Variants in MTR observed in about 807,000 individuals in gnomAD.
The protein encoded by MTR is 5-methyltetrahydrofolate-homocysteine methyltransferase.
In MTR, 84 loss-of-function variants were observed where a neutral mutation model predicts 154.8. The observed-to-expected ratio is 0.54, with a 90% CI of 0.45 to 0.65. The LOEUF is 0.65. MTR is among the 30% of genes least tolerant of loss of function. The probability of loss-of-function intolerance (pLI) is 0.00; values close to 1 mark genes in which losing one functional copy is unlikely to be tolerated. For synonymous variants in MTR, 554 were observed against 553.9 expected, an observed-to-expected ratio of 1.00 and a Z score of 0.00; for missense variants, 1,275 against 1,570.2, an observed-to-expected ratio of 0.81 and a Z score of 3.18.
intron 4 of MTR, 95 bp from the exon 5 acceptor site, chr1:236,810,408 C>A: frequency 1.0e-6 from 1 of 1,002,826 alleles, no homozygotes. Flanking sequence ...AGATTATAGA[C>A]CTGTGTTCCA....
At chr1:236,882,946 A>G (rs1345145895) in intron 25 of MTR, among the ~76,000 whole-genome samples, 1 of 152,260 alleles carries the variant, frequency 6.6e-6, no homozygotes, top group Non-Finnish European at 1.5e-5. Context: ...TTGTGGGCTC[A>G]TTGGCTCAGG....
intron 13 of MTR, among the ~76,000 whole-genome samples, chr1:236,832,327 G>A (rs1277832075): frequency 1.3e-5 from 2 of 152,152 alleles, no homozygotes; most frequent in Admixed American, 6.5e-5. Context: ...AGATGGGAGG[G>A]ATCCAGGTTC....
chr1:236,808,510 G>A (rs2103032014), intron 3 of MTR, among the ~76,000 whole-genome samples, 194 bp from the exon 4 acceptor site: 1 of 152,198 alleles, frequency 6.6e-6, no homozygotes, highest in East Asian at 1.9e-4. Flanking sequence ...AGTTCCCAAG[G>A]ACTCTTGTCT....
chr1:236,861,499 A>T (rs561198283), intron 20 of MTR, among the ~76,000 whole-genome samples: 26 of 152,248 alleles, frequency 1.7e-4, no homozygotes, highest in African/African-American at 4.8e-4. Context: ...ATCATAATCT[A>T]TCATAATCCT....
chr1:236,801,659 A>G (rs1660705084), intron 1 of MTR, among the ~76,000 whole-genome samples: 1 of 152,220 alleles, frequency 6.6e-6, no homozygotes, highest in Non-Finnish European at 1.5e-5. Context: ...TAGTGTTGCT[A>G]GGCATGAGTT....
intron 13 of MTR, among the ~76,000 whole-genome samples, chr1:236,833,953 TG>T (rs780018844): frequency 6.6e-6 from 1 of 152,212 alleles, no homozygotes; most frequent in Non-Finnish European, 1.5e-5. Flanking sequence ...TTCTCCATTT[TG>T]GTTTGTAGAG....
rs1251309348 is a variant in MTR, at chr1:236,901,613, C to T, written c.*3969C>T. On this transcript the variant is annotated 3_prime_UTR_variant, in exon 33 of 33. Transcript: ENST00000366577. ...GAACAGATGTTTATTTCTTACAGTTCAGGAGTCTGGAAGTCCAAGATCATG... is the reference window on the plus strand; with the variant it reads ...GAACAGATGTTTATTTCTTACAGTTTAGGAGTCTGGAAGTCCAAGATCATG... The T allele has an allele frequency of 6.6e-6, 1 of 152,178 alleles. No individual in the cohort carries two copies. The highest frequency in any genetic ancestry group is 1.5e-5 in the Non-Finnish European group (1 of 68,064). 9.4% of individuals were successfully genotyped at this position (152,178 alleles called of 1,614,324 possible). A position where few individuals can be genotyped will look rare whatever the true frequency, so the allele number is the denominator to read the frequency against.
chr1:236,862,693 G>A (rs912153536), intron 21 of MTR, among the ~76,000 whole-genome samples: 3 of 152,120 alleles, frequency 2.0e-5, no homozygotes, highest in African/African-American at 4.8e-5. Flanking sequence ...GTCTGTCCCC[G>A]CCCTTGAGGT....
rs185670305 is a variant in MTR, at chr1:236,815,060, G to A, written c.610-544G>A. On this transcript the variant is annotated intron_variant, in intron 6 of 32. Transcript: ENST00000366577. Reference sequence around the variant, plus strand: ...AACAGCACAGAATGACATAGGATTTGTACCTTTACTACCTAATCTAAGCTC... The same window carrying A: ...AACAGCACAGAATGACATAGGATTTATACCTTTACTACCTAATCTAAGCTC... 5.6e-4 allele frequency among the ~76,000 whole-genome samples: 85 copies of A among 152,336 alleles called. 1 individual carries two copies. In the Middle Eastern group the frequency reaches 0.017, roughly 30 times the overall value.
chr1:236,810,155 T>C (rs1661214701), intron 4 of MTR, among the ~76,000 whole-genome samples: 1 of 152,190 alleles, frequency 6.6e-6, no homozygotes, highest in Non-Finnish European at 1.5e-5. Flanking sequence ...TGTGTGAGAA[T>C]TGAGAGTTGT....
intron 21 of MTR, 138 bp downstream of exon 21, chr1:236,862,481 C>G: frequency 2.9e-6 from 2 of 699,554 alleles, no homozygotes; most frequent in Non-Finnish European, 5.1e-6. Flanking sequence ...CACATCTCTC[C>G]CTTTTTTAAC....
At chr1:236,877,065 C>T (rs1665474561) in intron 24 of MTR, among the ~76,000 whole-genome samples, 1 of 152,210 alleles carries the variant, frequency 6.6e-6, no homozygotes, top group South Asian at 2.1e-4. Context: ...GTAGGTAGCA[C>T]TGCTTCCCGG....
chr1:236,861,097 C>CTTTTTTTTTTTTTTT lies in MTR; in HGVS notation c.2044-26_2044-12dup, dbSNP rs397974349. ...ATTTTTTTTTTCTTTCTTTCTTTTTCTTTTTTTTTTTTTTTTGTCTTTTTT... is the reference window on the plus strand; with the variant it reads ...ATTTTTTTTTTCTTTCTTTCTTTTTCTTTTTTTTTTTTTTTTTTTTTTTTTTTTTTTGTCTTTTTT... On this transcript the variant is annotated intron_variant, in intron 19 of 32. Transcript: ENST00000366577. 316 of 1,159,550 alleles carry CTTTTTTTTTTTTTTT rather than the reference C, an allele frequency of 2.7e-4. 2 individuals carry two copies. The highest frequency in any genetic ancestry group is 9.2e-4 in the South Asian group (56 of 60,590). 71.8% of individuals were successfully genotyped at this position (1,159,550 alleles called of 1,614,324 possible). A position where few individuals can be genotyped will look rare whatever the true frequency, so the allele number is the denominator to read the frequency against.
Position 236,860,176 on chromosome 1 carries a change from G to T in MTR, c.2043+254G>T, listed in dbSNP as rs45468296. On this transcript the variant is annotated intron_variant, in intron 19 of 32. Transcript: ENST00000366577. ...GTATTACTGGCATCCTATGGCCAGG[G>T]GTGCTGCTAAACATCCTGCAGTGCC... 0.32 allele frequency among the ~76,000 whole-genome samples: 47,255 copies of T among 149,024 alleles called. 9,183 individuals carry two copies. Among genetic ancestry groups the T allele is most frequent in the East Asian group, 0.44 (2,187 of 4,986 alleles).
Position 236,795,750 on chromosome 1 carries a change from C to A in MTR, c.34+13C>A, listed in dbSNP as rs370004550. The stretch of plus-strand genomic sequence containing the variant: ...CTGTCGCAACCCGGTAACGCTGCGA[C>A]CCCGTCTGCGTGGTTGGGTTGTGTT... On this transcript the variant is annotated intron_variant, in intron 1 of 32. Transcript: ENST00000366577. The A allele has an allele frequency of 2.8e-5, 45 of 1,614,042 alleles. No individual in the cohort carries two copies. Among genetic ancestry groups the A allele is most frequent in the Non-Finnish European group, 3.6e-5 (43 of 1,180,046 alleles).
chr1:236,859,762 G>GTTTT lies in MTR; in HGVS notation c.1954-68_1954-67insTTTT, dbSNP rs560990876. ...AAGACACAGGTTTTTTTGTTTGTTT[G>GTTTT]TTTGTTTTGCCATCAAACAGTTTGG... On this transcript the variant is annotated intron_variant, in intron 18 of 32. Transcript: ENST00000366577. The GTTTT allele has an allele frequency of 1.0e-4, 126 of 1,226,944 alleles. 1 individual carries two copies. The highest frequency in any genetic ancestry group is 5.3e-4 in the African/African-American group (36 of 67,738). The allele number at this position is 1,226,944 out of a possible 1,614,324, so 76.0% of individuals were successfully genotyped here.
chr1:236,815,554 C>T, intron 6 of MTR, 50 bp from the exon 7 acceptor site: 1 of 1,586,374 alleles, frequency 6.3e-7, no homozygotes, highest in Non-Finnish European at 8.7e-7. Context: ...TTAGACTAAT[C>T]TTGGACACAC....
chr1:236,884,805 G>A lies in MTR; in HGVS notation c.2677-316G>A, dbSNP rs373636499. Among the ~76,000 whole-genome samples, 81 of 152,278 alleles carry A rather than the reference G, an allele frequency of 5.3e-4. 1 individual carries two copies. In the South Asian group the frequency reaches 0.013, roughly 24 times the overall value. ...TCCCCCACCATAAATCAGACTGTTA[G>A]CATAAACGATGTGACGTGGCCCAGG... On this transcript the variant is annotated intron_variant, in intron 25 of 32. Transcript: ENST00000366577.
chr1:236,862,717 T>C (rs540744978), intron 21 of MTR, among the ~76,000 whole-genome samples: 6 of 152,336 alleles, frequency 3.9e-5, no homozygotes, highest in African/African-American at 1.4e-4. Flanking sequence ...TGAGTCATGC[T>C]TGTTTTTAGA....
Sources: gnomAD v4.1 joint callset for allele counts (sites outside exome capture counted in the v4.1 genomes callset) on GRCh38, gnomAD v4.1.1 for gene constraint, MANE v1.5 for transcripts, NCBI Gene and HGNC (gene_info 2026-07-23, HGNC 2026-07-21) for gene names.